Variants in PRDM10 observed in about 807,000 individuals in gnomAD.
PRDM10 encodes PR/SET domain 10.
Under a neutral mutation model 133.1 loss-of-function variants are expected in PRDM10, and 65 were observed. That is an observed-to-expected ratio of 0.49 (90% CI 0.40 to 0.60). PRDM10 has a LOEUF of 0.60. Ranked by LOEUF, PRDM10 falls within the 20% of genes least tolerant of loss-of-function variation. The probability of loss-of-function intolerance (pLI) is 0.00; values close to 1 mark genes in which losing one functional copy is unlikely to be tolerated. For synonymous variants in PRDM10, 582 were observed against 580.4 expected, an observed-to-expected ratio of 1.00 and a Z score of -0.04; for missense variants, 1,137 against 1,507.1, an observed-to-expected ratio of 0.75 and a Z score of 4.07.
chr11:129,917,155 C>T lies in PRDM10; in HGVS notation c.2297G>A (p.Arg766His), dbSNP rs1950384031. 13 of 1,612,702 alleles carry T rather than the reference C, an allele frequency of 8.1e-6. No homozygotes were observed. The highest frequency in any genetic ancestry group is 1.3e-5 in the African/African-American group (1 of 74,842). ...ELTLPIIKPNRDYFCQYCDKV... is the reference protein window; with the variant it reads ...ELTLPIIKPNHDYFCQYCDKV... ...ATCGCAATACTGACAAAAGTAATCA[C>T]GATTGGGTTTTATGATGGGTAGAGT... Residue 766 changes from arginine (R) to histidine (H), a missense_variant, in exon 15 of 21, where the codon CGT becomes CAT. Physicochemically the swap from Arg to His is conservative, Grantham distance 29. This residue lies in a region of PRDM10 where 65 missense variants were observed against 151.1 expected (regional missense o/e 0.43). Coordinates refer to ENST00000360871, the MANE Select transcript of PRDM10 (RefSeq NM_199437.2).
In PRDM10 at chr11:129,983,133, C is replaced by T. The variant is rs181218084; in HGVS notation, c.-119+19589G>A. ...CTGGGATTACAGGTGCGCACCACCA[C>T]GCCCAGCTAATTTTTTGTATTTTTA... On this transcript the variant is annotated intron_variant, in intron 1 of 20. Coordinates refer to ENST00000360871, the MANE Select transcript of PRDM10 (RefSeq NM_199437.2). 3.9e-4 allele frequency among the ~76,000 whole-genome samples: 60 copies of T among 151,994 alleles called. 1 individual carries two copies. The East Asian group carries it at 9.6e-3, about 24-fold the overall frequency.
At chr11:129,903,269 G>A (rs956880080) in intron 20 of PRDM10, among the ~76,000 whole-genome samples, 1 of 149,448 alleles carries the variant, frequency 6.7e-6, no homozygotes, top group Admixed American at 6.7e-5. Flanking sequence ...TTGCACTCAA[G>A]CCTGGGCAAC....
chr11:129,913,758 G>C (rs895724717), intron 17 of PRDM10, among the ~76,000 whole-genome samples: 2 of 152,216 alleles, frequency 1.3e-5, no homozygotes, highest in Admixed American at 1.3e-4. Context: ...GTCAACGACA[G>C]TGGCAACTTC....
At chr11:129,904,873 G>A (rs1245573891) in intron 20 of PRDM10, among the ~76,000 whole-genome samples, 2 of 152,216 alleles carry the variant, frequency 1.3e-5, no homozygotes, top group Admixed American at 1.3e-4. Flanking sequence ...GAACAAACCA[G>A]TGAAGATAAA....
At chr11:129,925,727 AAAAC>A (rs1950658322) in intron 11 of PRDM10, among the ~76,000 whole-genome samples, 1 of 151,506 alleles carries the variant, frequency 6.6e-6, no homozygotes, top group African/African-American at 2.4e-5. Flanking sequence ...AACAAACAAA[AAAAC>A]AATAAAAAGA....
chr11:129,914,588 G>A, intron 17 of PRDM10, 116 bp downstream of exon 17: 1 of 1,412,868 alleles, frequency 7.1e-7, no homozygotes, highest in Non-Finnish European at 9.9e-7. Context: ...AAATGCCCAA[G>A]GCTCAGAACT....
Position 129,994,465 on chromosome 11 carries a change from C to CAA in PRDM10, c.-119+8255_-119+8256dup, listed in dbSNP as rs1187507792. Among the ~76,000 whole-genome samples the CAA allele has an allele frequency of 1.6e-3, 126 of 79,510 alleles. 1 individual carries two copies. Among genetic ancestry groups the CAA allele is most frequent in the Non-Finnish European group, 2.4e-3 (100 of 41,704 alleles). The allele number at this position is 79,510 out of a possible 152,430, so 52.2% of individuals were successfully genotyped here. A position where few individuals can be genotyped will look rare whatever the true frequency, so the allele number is the denominator to read the frequency against. On this transcript the variant is annotated intron_variant, in intron 1 of 20. Coordinates refer to ENST00000360871, the MANE Select transcript of PRDM10 (RefSeq NM_199437.2). ...TAGGTGACACAGCGCAACTCTGCCT[C>CAA]AAAAAAAAAAAAAAAAAAGAAACGA...
At chr11:129,908,660 T>G (rs1175898078) in intron 19 of PRDM10, among the ~76,000 whole-genome samples, 1 of 152,112 alleles carries the variant, frequency 6.6e-6, no homozygotes, top group African/African-American at 2.4e-5. Context: ...TCTCTCTACT[T>G]TTATATATTT....
intron 1 of PRDM10, among the ~76,000 whole-genome samples, chr11:130,002,062 C>T (rs1939428551): frequency 6.6e-6 from 1 of 151,180 alleles, no homozygotes; most frequent in Non-Finnish European, 1.5e-5. Context: ...CTGGGCGCCC[C>T]ATCGAACAGG....
Position 129,915,950 on chromosome 11 carries a change from G to T in PRDM10, c.2326-90C>A, listed in dbSNP as rs559565882. Reference sequence around the variant, plus strand: ...TAACAATTTCATTATAAGAAAATGAGGAAAAGTATTCATGTAGCCCCAAAT... The same window carrying T: ...TAACAATTTCATTATAAGAAAATGATGAAAAGTATTCATGTAGCCCCAAAT... On this transcript the variant is annotated intron_variant, in intron 15 of 20. Transcript: ENST00000360871. 6 of 1,301,406 alleles carry T rather than the reference G, an allele frequency of 4.6e-6. No individual in the cohort carries two copies. The South Asian group carries it at 7.4e-5, about 16-fold the overall frequency. The allele number at this position is 1,301,406 out of a possible 1,614,324, so 80.6% of individuals were successfully genotyped here.
rs78074217 is a variant in PRDM10 at position 129,974,505 on chromosome 11, G to A, written c.-118-13423C>T. 9.8e-3 allele frequency among the ~76,000 whole-genome samples: 1,489 copies of A among 152,230 alleles called. 23 individuals carry two copies. The highest frequency in any genetic ancestry group is 0.034 in the African/African-American group (1,413 of 41,530). On this transcript the variant is annotated intron_variant, in intron 1 of 20. Transcript: ENST00000360871. ...AGTGAACAGAATAAGTAGAAGGTGA[G>A]GGGGAGGGAGAGAAAGAAAAACTAA...
chr11:129,941,142 CAAA>C (rs1320490107), intron 7 of PRDM10, among the ~76,000 whole-genome samples: 1 of 152,136 alleles, frequency 6.6e-6, no homozygotes, highest in Non-Finnish European at 1.5e-5. Flanking sequence ...CTTTCTCCCT[CAAA>C]AGAGGTATCC....
intron 1 of PRDM10, among the ~76,000 whole-genome samples, chr11:129,973,193 A>G (rs1471333259): frequency 1.3e-5 from 2 of 152,240 alleles, no homozygotes; most frequent in Admixed American, 6.5e-5. Flanking sequence ...GTAGTGAAGG[A>G]GAAAAGCAGT....
intron 4 of PRDM10, among the ~76,000 whole-genome samples, chr11:129,949,032 T>C (rs1482971866): frequency 6.6e-6 from 1 of 152,236 alleles, no homozygotes; most frequent in Non-Finnish European, 1.5e-5. Context: ...TGCTTTTATC[T>C]GTTCTTCCCA....
chr11:129,910,146 T>C (rs757857492), intron 19 of PRDM10, among the ~76,000 whole-genome samples: 1 of 152,238 alleles, frequency 6.6e-6, no homozygotes, highest in African/African-American at 2.4e-5. Context: ...CAGTGTCTAG[T>C]ACAGCGATTG....
intron 1 of PRDM10, among the ~76,000 whole-genome samples, chr11:129,973,353 CA>C (rs1937615258): frequency 6.6e-6 from 1 of 152,218 alleles, no homozygotes; most frequent in Non-Finnish European, 1.5e-5. Context: ...TGAGGACCTG[CA>C]TAACTGAGCT....
intron 13 of PRDM10, among the ~76,000 whole-genome samples, chr11:129,920,612 C>T (rs1382352039): frequency 6.6e-6 from 1 of 151,884 alleles, no homozygotes; most frequent in African/African-American, 2.4e-5. Flanking sequence ...CCATCAGTCC[C>T]CTTCTCCCAA....
chr11:129,960,997 C>T lies in PRDM10; in HGVS notation c.-33G>A, dbSNP rs756098739. ...CAACTGGACAGCTCCACGTCTGGCACACCTAGAGCAGCACAGGGTACAGGA... is the reference window on the plus strand; with the variant it reads ...CAACTGGACAGCTCCACGTCTGGCATACCTAGAGCAGCACAGGGTACAGGA... On this transcript the variant is annotated 5_prime_UTR_variant, in exon 2 of 21. The change creates a new upstream start codon in the 5' untranslated region. Coordinates refer to ENST00000360871, the MANE Select transcript of PRDM10 (RefSeq NM_199437.2). 28 of 1,606,638 alleles carry T rather than the reference C, an allele frequency of 1.7e-5. No homozygotes were observed. The Admixed American group carries it at 4.7e-4, about 27-fold the overall frequency.
chr11:129,929,452 T>C (rs1191582449), intron 11 of PRDM10: 11 of 1,547,740 alleles, frequency 7.1e-6, no homozygotes, highest in East Asian at 2.4e-5. Flanking sequence ...GAGAGAAAAA[T>C]AGTTACATTA....
Sources: gnomAD v4.1 joint callset for allele counts (sites outside exome capture counted in the v4.1 genomes callset) on GRCh38, gnomAD v4.1.1 for gene constraint, gnomAD v4.1.1 regional missense constraint, MANE v1.5 for transcripts, NCBI Gene and HGNC (gene_info 2026-07-23, HGNC 2026-07-21) for gene names.